PLEKHJ1: variants seen among roughly 807,000 people sequenced by gnomAD.
The protein encoded by PLEKHJ1 is pleckstrin homology domain containing J1.
PLEKHJ1 carries 20 observed loss-of-function variants against 21.7 expected under a neutral mutation model. The ratio of observed to expected loss-of-function variants is 0.92; its 90% CI spans 0.65 to 1.34. PLEKHJ1 has a LOEUF of 1.34. Among genes scored for constraint, PLEKHJ1 ranks in the 40% most tolerant of loss-of-function variants. The pLI is 0.00. For synonymous variants in PLEKHJ1, 113 were observed against 80.6 expected (o/e 1.40, Z -2.15); for missense variants, 241 against 202.0 (o/e 1.19, Z -1.17).
At chr19:2,231,116 C>T, downstream of PLEKHJ1, 1 of 230,138 alleles carries the variant, frequency 4.3e-6, no homozygotes. Context: ...TTCTGGAGCC[C>T]TGAGCAGTCA....
downstream of PLEKHJ1, chr19:2,230,325 C>T: frequency 9.6e-6 from 4 of 415,924 alleles, no homozygotes; most frequent in Non-Finnish European, 8.4e-6. Context: ...CGGAGGCCTC[C>T]CCGCGGCCTG....
intron 1 of PLEKHJ1, 57 bp downstream of exon 1, chr19:2,236,098 A>ACCCCGG: frequency 4.4e-6 from 6 of 1,378,044 alleles, no homozygotes; most frequent in Non-Finnish European, 5.7e-6. Context: ...CCCCGCCCAG[A>ACCCCGG]CCCCGGCCCC....
chr19:2,236,245 G>A lies in PLEKHJ1; in HGVS notation c.4C>T (p.Arg2Trp), dbSNP rs1476902960. 5 of 1,410,290 alleles carry A rather than the reference G, an allele frequency of 3.5e-6. No homozygotes were observed. Among genetic ancestry groups the A allele is most frequent in the South Asian group, 1.5e-5 (1 of 65,770 alleles). The allele number at this position is 1,410,290 out of a possible 1,614,324, so 87.4% of individuals were successfully genotyped here. Residue 2 changes from arginine (R) to tryptophan (W), a missense_variant, in exon 1 of 6, where the codon CGG (arginine) becomes TGG (tryptophan). Arg to Trp is a moderately radical substitution (Grantham distance 101). Coordinates refer to ENST00000326631, the MANE Select transcript of PLEKHJ1 (RefSeq NM_018049.3). ...GCCTGCAGCTCCTTCTCGTTGTACC[G>A]CATGGCTCCGCGGGGAACGGGAACC... is the stretch of plus-strand genomic sequence containing the variant. M[R>W]YNEKELQALS...
At chr19:2,234,773 G>A (rs2024739522) in intron 3 of PLEKHJ1, 1 of 153,622 alleles carries the variant, frequency 6.5e-6, no homozygotes, top group South Asian at 2.0e-4. Context: ...GCCGAGGTGG[G>A]AGGATCACCT....
chr19:2,236,284 C>G lies in PLEKHJ1; in HGVS notation c.-36G>C. 7.8e-7 allele frequency: 1 copy of G among 1,288,278 alleles called. No homozygotes were observed. 79.8% of individuals were successfully genotyped at this position (1,288,278 alleles called of 1,614,324 possible). ...GGAACGGGAACCCGGGCCGCGCCCT[C>G]CCGGCCGCCGTCCCCGCTCAGGCTG... is the stretch of plus-strand genomic sequence containing the variant. On this transcript the variant is annotated 5_prime_UTR_variant, in exon 1 of 6. Coordinates refer to ENST00000326631, the MANE Select transcript of PLEKHJ1 (RefSeq NM_018049.3).
rs1420762423 is a variant in PLEKHJ1, at chr19:2,235,594, G to C, written c.229+168C>G. 6.5e-6 allele frequency: 4 copies of C among 613,870 alleles called. No individual in the cohort carries two copies. In the East Asian group the frequency reaches 1.2e-4, roughly 18 times the overall value. The allele number at this position is 613,870 out of a possible 1,614,324, so 38.0% of individuals were successfully genotyped here. On this transcript the variant is annotated intron_variant, in intron 3 of 5. Coordinates refer to ENST00000326631, the MANE Select transcript of PLEKHJ1 (RefSeq NM_018049.3). ...AGGTGGGAAGGGTGGTGCCCGCCAG[G>C]AGAACTTGACCTTGAGCTGCCCGTG...
chr19:2,231,758 C>T (rs1348482792), downstream of PLEKHJ1: 4 of 214,048 alleles, frequency 1.9e-5, no homozygotes, highest in East Asian at 2.8e-4. Context: ...GAACAAGACA[C>T]ATTCTTTAAA....
At chr19:2,231,987 C>T (rs911225776), downstream of PLEKHJ1, 6 of 210,148 alleles carry the variant, frequency 2.9e-5, no homozygotes, top group Admixed American at 1.2e-4. Flanking sequence ...TGCCTGCGGA[C>T]ACCCTCCTGT....
At position 2,233,707 on chromosome 19, in the gene PLEKHJ1, G is replaced by A. The variant is rs1030985825; in HGVS notation, c.*133C>T. On this transcript the variant is annotated 3_prime_UTR_variant, in exon 6 of 6. Coordinates refer to ENST00000326631, the MANE Select transcript of PLEKHJ1 (RefSeq NM_018049.3). The stretch of plus-strand genomic sequence containing the variant: ...TGAGCTGTGGCACCACTGCACTCTA[G>A]CCTGGGCAACACAGTGAAACCCTGA... 2.6e-6 allele frequency: 2 copies of A among 774,200 alleles called. No individual in the cohort carries two copies. Among genetic ancestry groups the A allele is most frequent in the Non-Finnish European group, 4.2e-6 (2 of 478,088 alleles). 48.0% of individuals were successfully genotyped at this position (774,200 alleles called of 1,614,324 possible). A position where few individuals can be genotyped will look rare whatever the true frequency, so the allele number is the denominator to read the frequency against.
chr19:2,231,046 G>T (rs1220110937), downstream of PLEKHJ1: 9 of 235,346 alleles, frequency 3.8e-5, no homozygotes, highest in Non-Finnish European at 6.7e-5. Context: ...CCTGGGACTG[G>T]GTGTGGAAGG....
chr19:2,235,690 G>A, intron 3 of PLEKHJ1, 72 bp downstream of exon 3: 1 of 1,393,290 alleles, frequency 7.2e-7, no homozygotes. Flanking sequence ...GGGCGCCCGG[G>A]GAGGGGAAAG....
chr19:2,230,260 C>G, downstream of PLEKHJ1: 2 of 427,492 alleles, frequency 4.7e-6, no homozygotes, highest in African/African-American at 2.0e-5. Flanking sequence ...GCCCGGCCGG[C>G]TCCCCCGACG....
chr19:2,236,086 A>ACCCCCGCCCAGACCCCGGCC, intron 1 of PLEKHJ1, 69 bp downstream of exon 1: 1 of 1,385,488 alleles, frequency 7.2e-7, no homozygotes. Context: ...GGCCTCCGGC[A>ACCCCCGCCCAGACCCCGGCC]CCCCCGCCCA....
downstream of PLEKHJ1, chr19:2,231,335 G>C (rs936092475): frequency 9.4e-6 from 2 of 213,648 alleles, no homozygotes. Flanking sequence ...CCTGTGTTCT[G>C]GTTCCCAAGG....
chr19:2,230,551 G>C (rs1180470692), downstream of PLEKHJ1: 1 of 398,742 alleles, frequency 2.5e-6, no homozygotes, highest in Non-Finnish European at 4.4e-6. Flanking sequence ...TTTCTCGGCT[G>C]TCCATGGCTC....
chr19:2,233,721 G>T lies in PLEKHJ1; in HGVS notation c.*119C>A. The T allele has an allele frequency of 1.1e-6, 1 of 910,604 alleles. No individual in the cohort carries two copies. Among genetic ancestry groups the T allele is most frequent in the Non-Finnish European group, 1.7e-6 (1 of 596,654 alleles). 56.4% of individuals were successfully genotyped at this position (910,604 alleles called of 1,614,324 possible). A position where few individuals can be genotyped will look rare whatever the true frequency, so the allele number is the denominator to read the frequency against. ...ACTGCACTCTAGCCTGGGCAACACA[G>T]TGAAACCCTGACCCAAAAACCAAAA... On this transcript the variant is annotated 3_prime_UTR_variant, in exon 6 of 6. Coordinates refer to ENST00000326631, the MANE Select transcript of PLEKHJ1 (RefSeq NM_018049.3).
downstream of PLEKHJ1, chr19:2,230,807 A>G (rs542671658): frequency 2.2e-4 from 85 of 380,640 alleles, no homozygotes; most frequent in African/African-American, 1.6e-3. Flanking sequence ...CCCCGACCCT[A>G]GACCCCTCAG....
At chr19:2,235,242 C>T (rs2024757672) in intron 3 of PLEKHJ1, 1 of 152,910 alleles carries the variant, frequency 6.5e-6, no homozygotes, top group Non-Finnish European at 1.5e-5. Context: ...GATTTCTGGC[C>T]TCCAGAACTG....
downstream of PLEKHJ1, chr19:2,232,071 C>G (rs1279414611): frequency 4.7e-6 from 1 of 211,442 alleles, no homozygotes; most frequent in Admixed American, 5.9e-5. Flanking sequence ...GGCAGGGTGG[C>G]TGTGGAGACT....
Sources: allele counts gnomAD v4.1 joint callset, GRCh38; gene constraint gnomAD v4.1.1; transcripts MANE v1.5; gene names NCBI Gene and HGNC (gene_info 2026-07-23, HGNC 2026-07-21).